MATK: variants seen among roughly 807,000 people sequenced by gnomAD.
The protein encoded by MATK is megakaryocyte-associated tyrosine-protein kinase.
MATK carries 41 observed loss-of-function variants against 59.8 expected under a neutral mutation model. The ratio of observed to expected loss-of-function variants is 0.69; its 90% CI spans 0.53 to 0.89. The LOEUF (loss-of-function observed/expected upper bound fraction) is 0.89. Among genes scored for constraint, MATK ranks in the 40% least tolerant of loss-of-function variants. MATK has a pLI of 0.00. For synonymous variants in MATK, 308 were observed against 306.1 expected (o/e 1.01, Z -0.06); for missense variants, 593 against 719.6 (o/e 0.82, Z 2.01).
intron 12 of MATK, 50 bp from the exon 13 acceptor site, chr19:3,778,645 C>T (rs2037353752): frequency 1.9e-6 from 3 of 1,552,996 alleles, no homozygotes; most frequent in East Asian, 2.4e-5. Flanking sequence ...GTTTTCTGCT[C>T]CAGCCCCTGC....
intron 1 of MATK, chr19:3,785,657 G>C (rs2037472336): frequency 6.1e-6 from 1 of 165,154 alleles, no homozygotes; most frequent in Non-Finnish European, 1.3e-5. Flanking sequence ...ACAGGGCTCG[G>C]ACACAGCTGC....
At position 3,784,874 on chromosome 19, in the gene MATK, C is replaced by G. The variant is rs1568407864; in HGVS notation, c.83G>C (p.Arg28Pro). The change falls in exon 3 of 14, where the codon CGC becomes CCC. Residue 28 changes from arginine to proline, a missense_variant. Arg to Pro is a moderately radical substitution (Grantham distance 103, BLOSUM62 -2). Coordinates refer to ENST00000310132, the MANE Select transcript of MATK (RefSeq NM_139355.3). The part of the protein sequence containing the change: ...SAEELPRVSP[R>P]FLRAWHPPPV... ...AGGGGGGTGCCAGGCTCGGAGGAAG[C>G]GGGGGCTCACCTGGGGAGGGGACAG... 6.5e-7 allele frequency: 1 copy of G among 1,539,770 alleles called. No homozygotes were observed. The highest frequency in any genetic ancestry group is 8.8e-7 in the Non-Finnish European group (1 of 1,136,946).
intron 1 of MATK, among the ~76,000 whole-genome samples, chr19:3,792,265 T>C (rs76390615): frequency 0.019 from 2,834 of 152,214 alleles, 95 homozygotes; most frequent in African/African-American, 0.065. Context: ...TTCTTATTCT[T>C]CTCTACAAAT....
Position 3,778,092 on chromosome 19 carries a change from C to G in MATK, c.*91G>C, listed in dbSNP as rs996372509. 6.8e-7 allele frequency: 1 copy of G among 1,479,970 alleles called. No individual in the cohort carries two copies. Among genetic ancestry groups the G allele is most frequent in the Non-Finnish European group, 8.9e-7 (1 of 1,128,338 alleles). 91.7% of individuals were successfully genotyped at this position (1,479,970 alleles called of 1,614,324 possible). A position where few individuals can be genotyped will look rare whatever the true frequency, so the allele number is the denominator to read the frequency against. Reference sequence around the variant, plus strand: ...GTGGGCACCAGGAGGATGACTTGCCCGCCTGGACCCTCCTTGGGCCTGGTC... The same window carrying G: ...GTGGGCACCAGGAGGATGACTTGCCGGCCTGGACCCTCCTTGGGCCTGGTC... On this transcript the variant is annotated 3_prime_UTR_variant, in exon 14 of 14. Coordinates refer to ENST00000310132, the MANE Select transcript of MATK (RefSeq NM_139355.3).
intron 7 of MATK, among the ~76,000 whole-genome samples, chr19:3,782,519 A>G (rs540820334): frequency 6.6e-6 from 1 of 152,358 alleles, no homozygotes; most frequent in Admixed American, 6.5e-5. Context: ...AACAGAATAT[A>G]CAATGGCTCA....
chr19:3,793,618 C>T (rs563615025), intron 1 of MATK, among the ~76,000 whole-genome samples: 4 of 151,892 alleles, frequency 2.6e-5, no homozygotes, highest in East Asian at 1.9e-4. Flanking sequence ...AGGAGAATGG[C>T]GTGAACCCGG....
intron 1 of MATK, among the ~76,000 whole-genome samples, chr19:3,796,547 C>CT (rs1319156160): frequency 6.6e-6 from 1 of 152,060 alleles, no homozygotes; most frequent in Non-Finnish European, 1.5e-5. Context: ...CTGGGACCTG[C>CT]TTTTTTATTT....
In MATK at chr19:3,785,150, A is replaced by C. The variant is rs927605637; in HGVS notation, c.-15T>G. On this transcript the variant is annotated 5_prime_UTR_variant, in exon 2 of 14. Coordinates refer to ENST00000310132, the MANE Select transcript of MATK (RefSeq NM_139355.3). ...CGCCCCGCCATCGCCCCCAGAGGGA[A>C]ACTGAGGCAGGTGAGAGGCACACTG... is the stretch of plus-strand genomic sequence containing the variant. The C allele has an allele frequency of 6.8e-6, 11 of 1,613,802 alleles. No homozygotes were observed. The highest frequency in any genetic ancestry group is 2.7e-5 in the African/African-American group (2 of 74,892).
chr19:3,782,769 T>A (rs1299964954), intron 7 of MATK: 2 of 295,676 alleles, frequency 6.8e-6, no homozygotes, highest in Non-Finnish European at 1.3e-5. Flanking sequence ...GGCGGTCTGA[T>A]GGGAGGGCCT....
At chr19:3,779,226 G>A (rs1336566586) in intron 11 of MATK, 39 bp from the exon 12 acceptor site, 3 of 1,550,346 alleles carry the variant, frequency 1.9e-6, no homozygotes, top group Non-Finnish European at 1.7e-6. Context: ...CAGGTGCCAG[G>A]ATGCCCACAT....
Position 3,777,985 on chromosome 19 carries a change from C to A in MATK, c.*198G>T. 4 of 672,022 alleles carry A rather than the reference C, an allele frequency of 6.0e-6. No homozygotes were observed. Among genetic ancestry groups the A allele is most frequent in the Non-Finnish European group, 9.2e-6 (4 of 433,256 alleles). The allele number at this position is 672,022 out of a possible 1,614,324, so 41.6% of individuals were successfully genotyped here. A position where few individuals can be genotyped will look rare whatever the true frequency, so the allele number is the denominator to read the frequency against. ...ACAGGCGCCTAGAGTCCTTAGAATC[C>A]GTCTTTATCGGGCGATCATCCTTCG... On this transcript the variant is annotated 3_prime_UTR_variant, in exon 14 of 14. Coordinates refer to ENST00000310132, the MANE Select transcript of MATK (RefSeq NM_139355.3).
At chr19:3,789,294 G>T (rs140302931), upstream of MATK, 41 of 779,348 alleles carry the variant, frequency 5.3e-5, no homozygotes, top group African/African-American at 5.6e-4. Context: ...GCTGACCACG[G>T]GTCCCTCGCC....
At chr19:3,791,059 A>G (rs1248023079), upstream of MATK, among the ~76,000 whole-genome samples, 1 of 152,132 alleles carries the variant, frequency 6.6e-6, no homozygotes, top group Non-Finnish European at 1.5e-5. Flanking sequence ...TAGTTTTAGC[A>G]GCCAGTCTTT....
In MATK at chr19:3,779,596, C is replaced by T. The variant is rs2145746508; in HGVS notation, c.864G>A (p.Leu288=). The change falls in exon 10 of 14, where the codon CTG becomes CTA. Residue 288 remains leucine (L), a synonymous_variant. Coordinates refer to ENST00000310132, the MANE Select transcript of MATK (RefSeq NM_139355.3). ...AVMTKMQHEN[L]VRLLGVILHQ... is the part of the protein sequence containing the mutation. ...GCAGGATCACGCCCAGGAGACGCAC[C>T]AGGTTCTCGTGTTGCATCTTCCTGG... The T allele has an allele frequency of 1.2e-6, 2 of 1,611,962 alleles. No homozygotes were observed. The highest frequency in any genetic ancestry group is 4.5e-5 in the East Asian group (2 of 44,834).
intron 1 of MATK, among the ~76,000 whole-genome samples, chr19:3,796,358 G>T (rs1464660991): frequency 6.6e-6 from 1 of 152,128 alleles, no homozygotes; most frequent in Non-Finnish European, 1.5e-5. Flanking sequence ...TGATTTATCA[G>T]TTGGATGTTG....
intron 1 of MATK, among the ~76,000 whole-genome samples, chr19:3,798,457 A>G (rs2037614991): frequency 6.6e-6 from 1 of 152,210 alleles, no homozygotes; most frequent in South Asian, 2.1e-4. Context: ...CCAGCGTTCT[A>G]GAAGCCACAA....
intron 7 of MATK, 143 bp from the exon 8 acceptor site, chr19:3,781,815 T>G: frequency 1.4e-6 from 1 of 694,250 alleles, no homozygotes; most frequent in Non-Finnish European, 2.6e-6. Flanking sequence ...GGCCTGGCAA[T>G]GCCCCTAGGA....
In MATK at chr19:3,784,893, G is replaced by C. The variant is rs374565502; in HGVS notation, c.73-9C>G. 7 of 1,514,428 alleles carry C rather than the reference G, an allele frequency of 4.6e-6. No homozygotes were observed. In the African/African-American group the frequency reaches 9.7e-5, roughly 21 times the overall value. The allele number at this position is 1,514,428 out of a possible 1,614,324, so 93.8% of individuals were successfully genotyped here. A position where few individuals can be genotyped will look rare whatever the true frequency, so the allele number is the denominator to read the frequency against. On this transcript the variant is annotated splice_polypyrimidine_tract_variant and intron_variant, in intron 2 of 13. Coordinates refer to ENST00000310132, the MANE Select transcript of MATK (RefSeq NM_139355.3). ...AGGAAGCGGGGGCTCACCTGGGGAGGGGACAGAGTCCAGGTGGGAGCTGGG... is the reference window on the plus strand; with the variant it reads ...AGGAAGCGGGGGCTCACCTGGGGAGCGGACAGAGTCCAGGTGGGAGCTGGG...
rs1203580217 is a variant in MATK, at chr19:3,786,102, G to C, written c.-152+67C>G. On this transcript the variant is annotated intron_variant, in intron 1 of 13. Transcript: ENST00000310132. This position sits in a 1 kb window ranked among gnomAD's most constrained non-coding sequence, Gnocchi z 4.1. ...CACGTCCCGGGCCCACCCCCGCCTA[G>C]AGCCCTCGGGGTTTCCCCCCACCCC... 1.4e-6 allele frequency: 1 copy of C among 697,978 alleles called. No individual in the cohort carries two copies. The highest frequency in any genetic ancestry group is 1.9e-5 in the African/African-American group (1 of 51,764). The allele number at this position is 697,978 out of a possible 1,614,324, so 43.2% of individuals were successfully genotyped here.
Sources: gnomAD v4.1 joint callset for allele counts (sites outside exome capture counted in the v4.1 genomes callset) on GRCh38, gnomAD v4.1.1 for gene constraint, Gnocchi (gnomAD v3.1) non-coding constraint, MANE v1.5 for transcripts, NCBI Gene and HGNC (gene_info 2026-07-23, HGNC 2026-07-21) for gene names.